CLNK: variants seen among roughly 807,000 people sequenced by gnomAD.
The protein encoded by CLNK is cytokine dependent hematopoietic cell linker, also known as cytokine-dependent hematopoietic cell linker.
In CLNK, 74 loss-of-function variants were observed where a neutral mutation model predicts 68.6. The observed-to-expected ratio is 1.08, with a 90% CI of 0.89 to 1.31. CLNK has a LOEUF of 1.31. CLNK is among the 50% of genes most tolerant of loss of function. The probability of loss-of-function intolerance (pLI) is 0.00; values close to 1 mark genes in which losing one functional copy is unlikely to be tolerated. For missense variants in CLNK, 553 were observed against 515.3 expected, an observed-to-expected ratio of 1.07 and a Z score of -0.71; for synonymous variants, 198 against 172.2, an observed-to-expected ratio of 1.15 and a Z score of -1.17.
intron 3 of CLNK, among the ~76,000 whole-genome samples, chr4:10,586,395 G>A (rs541313797): frequency 2.9e-5 from 4 of 136,072 alleles, no homozygotes; most frequent in Non-Finnish European, 6.1e-5. Flanking sequence ...GCAGTGGTAC[G>A]ATCTCTCCTC....
chr4:10,519,670 T>C (rs1040708161), intron 15 of CLNK, among the ~76,000 whole-genome samples: 4 of 152,314 alleles, frequency 2.6e-5, no homozygotes, highest in Middle Eastern at 3.4e-3. Context: ...AGATGGCATA[T>C]GGCAGAAGTG....
chr4:10,492,684 T>C (rs1716632853), intron 18 of CLNK, among the ~76,000 whole-genome samples: 1 of 152,056 alleles, frequency 6.6e-6, no homozygotes. Flanking sequence ...TCCAGGGTCA[T>C]CTCCTCCTTC....
At chr4:10,549,905 G>C (rs1224883957) in intron 8 of CLNK, among the ~76,000 whole-genome samples, 1 of 152,194 alleles carries the variant, frequency 6.6e-6, no homozygotes, top group African/African-American at 2.4e-5. Context: ...TGCAGTCTCA[G>C]GACAGATCTC....
At position 10,490,583 on chromosome 4, in the gene CLNK, G is replaced by A. The variant is rs770714981; in HGVS notation, c.1171C>T (p.His391Tyr). Residue 391 changes from histidine (H) to tyrosine (Y), a missense_variant, in exon 19 of 19, where the codon CAC becomes TAC. His to Tyr is a moderately conservative substitution (Grantham distance 83). Transcript: ENST00000226951. ...KFDSVEDIIE[H>Y]YKNFPIILID... ...AGTATAATGGGAAAATTCTTGTAGT[G>A]TTCGATGATGTCTTCTACTGAATCA... 3.5e-5 allele frequency: 55 copies of A among 1,580,234 alleles called. No homozygotes were observed. The highest frequency in any genetic ancestry group is 4.6e-5 in the Non-Finnish European group (54 of 1,161,934).
chr4:10,702,179 G>T, the CLNK span, among the ~76,000 whole-genome samples: 1 of 152,188 alleles, frequency 6.6e-6, no homozygotes, highest in African/African-American at 2.4e-5. Flanking sequence ...GAGGTCATTT[G>T]CAGGAGCAGA....
intron 1 of CLNK, among the ~76,000 whole-genome samples, chr4:10,669,347 T>C (rs1307493149): frequency 2.0e-5 from 3 of 152,170 alleles, no homozygotes; most frequent in African/African-American, 7.2e-5. Context: ...AAATCCTAAC[T>C]CTGTCTTGGA....
intron 8 of CLNK, among the ~76,000 whole-genome samples, chr4:10,556,902 C>A (rs1228611449): frequency 1.2e-4 from 18 of 151,744 alleles, no homozygotes; most frequent in Admixed American, 1.2e-3. Flanking sequence ...ATGGTGAAAC[C>A]CCGTCTCTAC....
At chr4:10,697,435 C>A in the CLNK span, 3 of 152,196 alleles carry the variant, frequency 2.0e-5, no homozygotes, top group African/African-American at 7.2e-5. Flanking sequence ...GGGTCAGGGT[C>A]TCCAGGAAAT....
At chr4:10,522,504 G>C (rs1718120241) in intron 14 of CLNK, among the ~76,000 whole-genome samples, 1 of 149,212 alleles carries the variant, frequency 6.7e-6, no homozygotes, top group African/African-American at 2.5e-5. Context: ...AACCCAGGAG[G>C]TGGAGGTTGC....
At chr4:10,673,927 T>C (rs1724765717) in intron 1 of CLNK, among the ~76,000 whole-genome samples, 1 of 152,168 alleles carries the variant, frequency 6.6e-6, no homozygotes, top group Non-Finnish European at 1.5e-5. Context: ...GGAGCACAAC[T>C]CATGGTGTGT....
chr4:10,664,782 C>T (rs1724326119), intron 2 of CLNK, among the ~76,000 whole-genome samples: 3 of 152,222 alleles, frequency 2.0e-5, no homozygotes, highest in Admixed American at 6.5e-5. Flanking sequence ...ACACCCTGGA[C>T]AGGAAACCCG....
chr4:10,693,939 T>G, the CLNK span, among the ~76,000 whole-genome samples: 1 of 152,156 alleles, frequency 6.6e-6, no homozygotes, highest in East Asian at 1.9e-4. Context: ...CCAGAAATCC[T>G]ATGAATAGCA....
At chr4:10,506,574 G>A (rs1422653074) in intron 17 of CLNK, among the ~76,000 whole-genome samples, 1 of 152,154 alleles carries the variant, frequency 6.6e-6, no homozygotes, top group African/African-American at 2.4e-5. Context: ...AGTACTTTGG[G>A]CAAACCTTGA....
chr4:10,600,556 C>T (rs1212086418), intron 2 of CLNK, among the ~76,000 whole-genome samples: 2 of 152,064 alleles, frequency 1.3e-5, no homozygotes, highest in African/African-American at 4.8e-5. Context: ...TGTCCATATC[C>T]CCTTGCATTG....
At chr4:10,622,694 T>A (rs1425843309) in intron 2 of CLNK, among the ~76,000 whole-genome samples, 1 of 152,218 alleles carries the variant, frequency 6.6e-6, no homozygotes, top group Admixed American at 6.5e-5. Context: ...CCATTTTGAG[T>A]ATATAACATT....
intron 3 of CLNK, among the ~76,000 whole-genome samples, chr4:10,596,695 TATAA>T (rs1045928186): frequency 5.3e-5 from 8 of 152,188 alleles, no homozygotes; most frequent in African/African-American, 9.7e-5. Flanking sequence ...AATTTAGGTT[TATAA>T]ATAGTTTGGA....
At chr4:10,728,385 AGTGTGTGTGT>A in the CLNK span, among the ~76,000 whole-genome samples, 11 of 146,738 alleles carry the variant, frequency 7.5e-5, no homozygotes, top group Admixed American at 2.0e-4. Flanking sequence ...TATTCTAAAG[AGTGTGTGTGT>A]GTGTGTGTGT....
chr4:10,712,203 C>T, the CLNK span, among the ~76,000 whole-genome samples: 33 of 152,202 alleles, frequency 2.2e-4, no homozygotes, highest in Non-Finnish European at 4.3e-4. Flanking sequence ...TGAGGAGGTG[C>T]CAGTCTGTCA....
chr4:10,674,308 C>A (rs773039163), intron 1 of CLNK, among the ~76,000 whole-genome samples: 4 of 152,144 alleles, frequency 2.6e-5, no homozygotes, highest in African/African-American at 9.7e-5. Context: ...TTTCATGATG[C>A]CAGCTTATTT....
Sources: allele counts gnomAD v4.1 joint callset (sites outside exome capture counted in the v4.1 genomes callset), GRCh38; gene constraint gnomAD v4.1.1; transcripts MANE v1.5; gene names NCBI Gene and HGNC (gene_info 2026-07-23, HGNC 2026-07-21).